Variants in CHAT observed in about 807,000 individuals in gnomAD.
CHAT encodes the protein acetyl CoA:choline O-acetyltransferase.
A neutral mutation model predicts 76.9 loss-of-function variants in CHAT; 61 were observed. The observed-to-expected ratio is 0.79, with a 90% CI of 0.65 to 0.98. The LOEUF (loss-of-function observed/expected upper bound fraction) is 0.98. CHAT is among the 50% of genes least tolerant of loss of function. The pLI is 0.00. For synonymous variants in CHAT, 407 were observed against 397.4 expected, an observed-to-expected ratio of 1.02 and a Z score of -0.29; for missense variants, 946 against 986.9, an observed-to-expected ratio of 0.96 and a Z score of 0.56.
upstream of CHAT, chr10:49,612,174 C>G (rs765313360): frequency 1.2e-6 from 2 of 1,610,316 alleles, no homozygotes; most frequent in South Asian, 1.1e-5. Flanking sequence ...TGACGCGCTC[C>G]CGTTCCGAGC....
At chr10:49,624,354 C>A (rs1838838789) in intron 5 of CHAT, among the ~76,000 whole-genome samples, 1 of 152,244 alleles carries the variant, frequency 6.6e-6, no homozygotes, top group Non-Finnish European at 1.5e-5. Context: ...TTTCTGGGTT[C>A]AGGCATTACA....
At chr10:49,643,814 A>G (rs189358550) in intron 7 of CHAT, among the ~76,000 whole-genome samples, 206 of 152,322 alleles carry the variant, frequency 1.4e-3, no homozygotes, top group Non-Finnish European at 2.2e-3. Context: ...GAAGCACACT[A>G]AAGTCCATTA....
intron 13 of CHAT, among the ~76,000 whole-genome samples, chr10:49,659,810 C>T (rs112441279): frequency 1.7e-4 from 26 of 151,930 alleles, no homozygotes; most frequent in African/African-American, 4.6e-4. Flanking sequence ...TGCAGTCAGC[C>T]GAGATCACGC....
Position 49,666,260 on chromosome 10 carries a change from C to T in CHAT, c.*1214C>T, listed in dbSNP as rs943766113. On this transcript the variant is annotated 3_prime_UTR_variant, in exon 15 of 15. Coordinates refer to ENST00000337653, the MANE Select transcript of CHAT (RefSeq NM_020549.5). Reference sequence around the variant, plus strand: ...GCCCCAGCCCCAGCTCCAGCTCCAGCCCCAGCTCCAGCTCCAGCCCCAGCT... The same window carrying T: ...GCCCCAGCCCCAGCTCCAGCTCCAGTCCCAGCTCCAGCTCCAGCCCCAGCT... 2.0e-5 allele frequency among the ~76,000 whole-genome samples: 3 copies of T among 152,200 alleles called. No homozygotes were observed. Among genetic ancestry groups the T allele is most frequent in the South Asian group, 2.1e-4 (1 of 4,810 alleles).
intron 5 of CHAT, among the ~76,000 whole-genome samples, chr10:49,623,855 G>C (rs144140911): frequency 2.0e-5 from 3 of 152,276 alleles, no homozygotes; most frequent in Non-Finnish European, 4.4e-5. Context: ...CCTCCCCACT[G>C]TGTCCCCAAG....
At chr10:49,626,839 G>A (rs1170121019) in intron 6 of CHAT, among the ~76,000 whole-genome samples, 1 of 152,222 alleles carries the variant, frequency 6.6e-6, no homozygotes, top group African/African-American at 2.4e-5. Flanking sequence ...AGCCTTCAAA[G>A]CTACAAAATG....
chr10:49,610,923 C>T (rs77672173), upstream of CHAT: 1 of 1,611,126 alleles, frequency 6.2e-7, no homozygotes, highest in South Asian at 1.1e-5. Flanking sequence ...CCGACTACAT[C>T]GCCCACATGC....
At chr10:49,629,034 C>T (rs1281441567) in intron 7 of CHAT, among the ~76,000 whole-genome samples, 1 of 152,274 alleles carries the variant, frequency 6.6e-6, no homozygotes, top group East Asian at 1.9e-4. Context: ...CTGCCTTGGG[C>T]ATCCTTCCCG....
chr10:49,617,289 A>G (rs1456013805), intron 2 of CHAT, among the ~76,000 whole-genome samples: 1 of 151,664 alleles, frequency 6.6e-6, no homozygotes, highest in Admixed American at 6.6e-5. Flanking sequence ...GCTGACAAAC[A>G]TCTATTGTCA....
chr10:49,614,666 G>T (rs1463190950), intron 1 of CHAT, among the ~76,000 whole-genome samples, 191 bp downstream of exon 1: 2 of 152,224 alleles, frequency 1.3e-5, no homozygotes, highest in Non-Finnish European at 2.9e-5. Context: ...CGGTGCCTGG[G>T]CTTGGGGAGG....
intron 7 of CHAT, 39 bp from the exon 8 acceptor site, chr10:49,646,466 G>A (rs1409797454): frequency 1.2e-6 from 2 of 1,612,898 alleles, no homozygotes; most frequent in Admixed American, 3.3e-5. Context: ...CTGGCCTGGA[G>A]CGGGACAGGT....
intron 10 of CHAT, 79 bp from the exon 11 acceptor site, chr10:49,651,805 T>C: frequency 6.8e-7 from 1 of 1,471,998 alleles, no homozygotes; most frequent in South Asian, 1.2e-5. Context: ...CAGACCAGGC[T>C]CTAGAAGCCC....
chr10:49,617,072 C>T (rs780368499), intron 2 of CHAT, among the ~76,000 whole-genome samples: 13 of 152,158 alleles, frequency 8.5e-5, no homozygotes, highest in Non-Finnish European at 1.8e-4. Flanking sequence ...GGCATCCTCC[C>T]TCCCGCCCCA....
At chr10:49,649,374 AG>A (rs1564489729) in intron 9 of CHAT, 133 bp from the exon 10 acceptor site, 2 of 1,265,668 alleles carry the variant, frequency 1.6e-6, no homozygotes, top group East Asian at 4.7e-5. Context: ...ACGGTGGTTC[AG>A]GGGCAGCTCG....
intron 7 of CHAT, among the ~76,000 whole-genome samples, chr10:49,633,393 G>A (rs914034445): frequency 2.0e-5 from 3 of 152,112 alleles, no homozygotes; most frequent in African/African-American, 2.4e-5. Flanking sequence ...TTACACCTGC[G>A]AGGTGGGATT....
chr10:49,609,649 C>G (rs1838236831), upstream of CHAT, among the ~76,000 whole-genome samples: 1 of 152,160 alleles, frequency 6.6e-6, no homozygotes, highest in South Asian at 2.1e-4. Context: ...GGCCGCGATT[C>G]GCGGCCGAGA....
intron 1 of CHAT, chr10:49,615,698 A>G (rs1838464930): frequency 1.4e-5 from 5 of 350,352 alleles, no homozygotes; most frequent in Admixed American, 1.3e-4. Flanking sequence ...CCACAGCCTA[A>G]TAATAACAGT....
chr10:49,627,207 C>A (rs926885191), intron 6 of CHAT, among the ~76,000 whole-genome samples: 1 of 152,246 alleles, frequency 6.6e-6, no homozygotes, highest in Non-Finnish European at 1.5e-5. Flanking sequence ...TCTTCCGGTA[C>A]ACACGGGTAC....
chr10:49,662,117 T>C (rs1840211939), intron 13 of CHAT, among the ~76,000 whole-genome samples: 1 of 152,182 alleles, frequency 6.6e-6, no homozygotes, highest in African/African-American at 2.4e-5. Flanking sequence ...TCACACCCTC[T>C]ATCCTCTATC....
Sources: allele counts gnomAD v4.1 joint callset (sites outside exome capture counted in the v4.1 genomes callset), GRCh38; gene constraint gnomAD v4.1.1; transcripts MANE v1.5; gene names NCBI Gene and HGNC (gene_info 2026-07-23, HGNC 2026-07-21).